The following CNTN6 variants were observed in gnomAD, a reference collection of about 807,000 sequenced individuals.
The protein encoded by CNTN6 is contactin-6.
CNTN6 carries 137 observed loss-of-function variants against 122.8 expected under a neutral mutation model. The ratio of observed to expected loss-of-function variants is 1.12; its 90% CI spans 0.97 to 1.29. The LOEUF (loss-of-function observed/expected upper bound fraction) is 1.29. Ranked by LOEUF, CNTN6 falls within the 50% of genes most tolerant of loss-of-function variation. The pLI is 0.00. For synonymous variants in CNTN6, 570 were observed against 426.0 expected, an observed-to-expected ratio of 1.34 and a Z score of -4.16; for missense variants, 1,634 against 1,223.4, an observed-to-expected ratio of 1.34 and a Z score of -5.01.
At chr3:1,136,850 C>A (rs902125395) in intron 1 of CNTN6, among the ~76,000 whole-genome samples, 2 of 152,042 alleles carry the variant, frequency 1.3e-5, no homozygotes, top group East Asian at 3.9e-4. Flanking sequence ...TGCACTTTGT[C>A]CAGTTACTTA....
At chr3:1,135,995 A>G (rs935342087) in intron 1 of CNTN6, among the ~76,000 whole-genome samples, 1 of 152,206 alleles carries the variant, frequency 6.6e-6, no homozygotes, top group African/African-American at 2.4e-5. Context: ...CTGTCTCAAA[A>G]TAGAAGAAGT....
intron 3 of CNTN6, among the ~76,000 whole-genome samples, chr3:1,225,737 G>A (rs973755720): frequency 7.4e-6 from 1 of 134,488 alleles, no homozygotes; most frequent in Non-Finnish European, 1.6e-5. Context: ...CCCTAATATT[G>A]AAAACGAGCA....
chr3:1,290,030 A>G (rs1400633981), intron 5 of CNTN6, among the ~76,000 whole-genome samples: 1 of 152,146 alleles, frequency 6.6e-6, no homozygotes, highest in Admixed American at 6.5e-5. Context: ...CCCCAGTGTC[A>G]TTGTCACCTA....
At chr3:1,395,929 A>C (rs947858997) in intron 20 of CNTN6, among the ~76,000 whole-genome samples, 1 of 152,198 alleles carries the variant, frequency 6.6e-6, no homozygotes, top group African/African-American at 2.4e-5. Context: ...ACTGATGAGC[A>C]TGAAATCTCT....
At chr3:1,338,922 T>TA (rs1159962399) in intron 11 of CNTN6, among the ~76,000 whole-genome samples, 1 of 151,948 alleles carries the variant, frequency 6.6e-6, no homozygotes, top group Admixed American at 6.6e-5. Flanking sequence ...TGAGTGTATT[T>TA]AAAAAAATAA....
chr3:1,359,422 C>A (rs1459758131), intron 12 of CNTN6, among the ~76,000 whole-genome samples: 1 of 152,012 alleles, frequency 6.6e-6, no homozygotes, highest in Non-Finnish European at 1.5e-5. Flanking sequence ...AATGCTTTCT[C>A]TAGACTGGTT....
chr3:1,101,549 A>T (rs1353365028), intron 1 of CNTN6, among the ~76,000 whole-genome samples: 1 of 152,034 alleles, frequency 6.6e-6, no homozygotes, highest in African/African-American at 2.4e-5. Flanking sequence ...ACTTGCTGGT[A>T]TTTTATTTTT....
intron 5 of CNTN6, among the ~76,000 whole-genome samples, chr3:1,295,315 T>A (rs1227836546): frequency 6.6e-6 from 1 of 152,312 alleles, no homozygotes; most frequent in African/African-American, 2.4e-5. Flanking sequence ...TTATGGTATT[T>A]CTTAATAAAC....
At chr3:1,254,778 G>C (rs1411762167) in intron 4 of CNTN6, among the ~76,000 whole-genome samples, 1 of 152,084 alleles carries the variant, frequency 6.6e-6, no homozygotes, top group Non-Finnish European at 1.5e-5. Context: ...GAAAATTAAG[G>C]TTCATCAAAA....
chr3:1,125,996 C>G (rs2092145389), intron 1 of CNTN6, among the ~76,000 whole-genome samples: 1 of 151,864 alleles, frequency 6.6e-6, no homozygotes, highest in Non-Finnish European at 1.5e-5. Context: ...ATTGTATTCT[C>G]TCTTTCCACC....
chr3:1,297,406 C>T (rs1696434065), intron 6 of CNTN6, among the ~76,000 whole-genome samples: 1 of 151,984 alleles, frequency 6.6e-6, no homozygotes, highest in South Asian at 2.1e-4. Flanking sequence ...GGCACATATC[C>T]CCAATTCCTT....
chr3:1,271,416 T>A (rs576581909), intron 4 of CNTN6, among the ~76,000 whole-genome samples: 1 of 152,224 alleles, frequency 6.6e-6, no homozygotes, highest in South Asian at 2.1e-4. Flanking sequence ...TTAGGAGCCA[T>A]ATACCCAATA....
At chr3:1,165,334 A>G (rs2093222416) in intron 2 of CNTN6, among the ~76,000 whole-genome samples, 1 of 152,088 alleles carries the variant, frequency 6.6e-6, no homozygotes, top group South Asian at 2.1e-4. Context: ...TCTTCCTCCC[A>G]TTACACCAAT....
intron 4 of CNTN6, among the ~76,000 whole-genome samples, chr3:1,260,243 TTTTG>T (rs147137339): frequency 0.077 from 11,761 of 152,138 alleles, 572 homozygotes; most frequent in Non-Finnish European, 0.1. Flanking sequence ...CAAAAACATT[TTTTG>T]TTTGTTTGTT....
intron 4 of CNTN6, among the ~76,000 whole-genome samples, chr3:1,250,921 G>T (rs1255744346): frequency 1.2e-5 from 1 of 80,400 alleles, no homozygotes; most frequent in Admixed American, 1.4e-4. Flanking sequence ...GCCATTTCCA[G>T]ATGATCCCTC....
chr3:1,117,858 A>G (rs2091787437), intron 1 of CNTN6, among the ~76,000 whole-genome samples: 1 of 152,196 alleles, frequency 6.6e-6, no homozygotes. Flanking sequence ...TAAAGTGTAT[A>G]TTATATAGAA....
chr3:1,403,469 A>G lies in CNTN6; in HGVS notation c.*51A>G, dbSNP rs1695994068. On this transcript the variant is annotated 3_prime_UTR_variant, in exon 23 of 23. Transcript: ENST00000446702. ...GTTTTTTGAAAGCAAATCATTCTGT[A>G]TATATGCTCTCCAGCCTCTGACACA... The G allele has an allele frequency of 8.5e-7, 1 of 1,170,798 alleles. No homozygotes were observed. Among genetic ancestry groups the G allele is most frequent in the Non-Finnish European group, 1.3e-6 (1 of 787,072 alleles). The allele number at this position is 1,170,798 out of a possible 1,614,324, so 72.5% of individuals were successfully genotyped here.
At chr3:1,161,980 C>G (rs972637778) in intron 2 of CNTN6, among the ~76,000 whole-genome samples, 1 of 151,864 alleles carries the variant, frequency 6.6e-6, no homozygotes, top group African/African-American at 2.4e-5. Context: ...CATATTTGGA[C>G]TCAGTTAAAA....
intron 1 of CNTN6, among the ~76,000 whole-genome samples, chr3:1,099,444 CT>C (rs2090759769): frequency 6.6e-6 from 1 of 151,992 alleles, no homozygotes. Flanking sequence ...GAGCCAGACT[CT>C]GTCTCAAAAA....
Sources: allele counts gnomAD v4.1 joint callset (sites outside exome capture counted in the v4.1 genomes callset), GRCh38; gene constraint gnomAD v4.1.1; transcripts MANE v1.5; gene names NCBI Gene and HGNC (gene_info 2026-07-23, HGNC 2026-07-21).